Variants in AUTS2 observed in about 807,000 individuals in gnomAD.
The protein encoded by AUTS2 is autism susceptibility gene 2 protein.
A neutral mutation model predicts 112.4 loss-of-function variants in AUTS2; 17 were observed. The observed-to-expected ratio is 0.15, with a 90% CI of 0.10 to 0.23. AUTS2 has a LOEUF of 0.23. Ranked by LOEUF, AUTS2 falls within the 10% of genes least tolerant of loss-of-function variation. The pLI is 1.00. For synonymous variants in AUTS2, 751 were observed against 702.7 expected (o/e 1.07, Z -1.09); for missense variants, 1,510 against 1,701.6 (o/e 0.89, Z 1.98).
At chr7:69,996,564 C>T (rs1223893449) in intron 2 of AUTS2, among the ~76,000 whole-genome samples, 1 of 152,138 alleles carries the variant, frequency 6.6e-6, no homozygotes, top group Non-Finnish European at 1.5e-5. Flanking sequence ...CAAACACTGT[C>T]CTCCCCACTG....
chr7:70,590,460 T>C (rs1802891787), intron 5 of AUTS2, among the ~76,000 whole-genome samples: 1 of 152,162 alleles, frequency 6.6e-6, no homozygotes, highest in Admixed American at 6.5e-5. Context: ...TGTTCCTTTA[T>C]TTTAGAAACT....
intron 3 of AUTS2, 68 bp downstream of exon 3, chr7:70,118,301 T>C: frequency 7.0e-7 from 1 of 1,438,610 alleles, no homozygotes; most frequent in Non-Finnish European, 9.1e-7. Context: ...CACACACCAT[T>C]GGTTCAAGTC....
At chr7:69,939,966 G>C (rs1182886912) in intron 2 of AUTS2, among the ~76,000 whole-genome samples, 1 of 152,192 alleles carries the variant, frequency 6.6e-6, no homozygotes, top group Non-Finnish European at 1.5e-5. Flanking sequence ...AACAACAGTA[G>C]TAATCATACC....
intron 2 of AUTS2, among the ~76,000 whole-genome samples, chr7:69,915,658 T>C (rs1795547266): frequency 6.6e-6 from 1 of 152,250 alleles, no homozygotes; most frequent in African/African-American, 2.4e-5. Flanking sequence ...TTTTCTATCA[T>C]TTCTGTTTTC....
chr7:70,409,341 A>G (rs1478302202), intron 4 of AUTS2, among the ~76,000 whole-genome samples: 1 of 152,054 alleles, frequency 6.6e-6, no homozygotes, highest in African/African-American at 2.4e-5. Context: ...ATATATATAT[A>G]TATGTGTGTG....
intron 1 of AUTS2, among the ~76,000 whole-genome samples, chr7:69,838,637 G>A (rs1230042438): frequency 6.6e-6 from 1 of 152,088 alleles, no homozygotes; most frequent in African/African-American, 2.4e-5. Flanking sequence ...GTCTTTTGTT[G>A]GCTGAACTAT....
At chr7:69,938,665 T>G (rs942753007) in intron 2 of AUTS2, among the ~76,000 whole-genome samples, 9 of 152,074 alleles carry the variant, frequency 5.9e-5, no homozygotes, top group African/African-American at 2.2e-4. Flanking sequence ...CCTAGGGAAG[T>G]GCAATGAGCA....
At chr7:70,751,726 A>G (rs1788867115) in intron 6 of AUTS2, among the ~76,000 whole-genome samples, 1 of 152,036 alleles carries the variant, frequency 6.6e-6, no homozygotes, top group South Asian at 2.1e-4. Context: ...TATTGAGCAT[A>G]CACTAGTTTT....
At chr7:70,221,131 C>T (rs568396741) in intron 4 of AUTS2, among the ~76,000 whole-genome samples, 1 of 152,322 alleles carries the variant, frequency 6.6e-6, no homozygotes, top group East Asian at 1.9e-4. Flanking sequence ...TGGTCTCAAA[C>T]TCCTGGGCTC....
At chr7:70,693,163 A>C (rs560337958) in intron 5 of AUTS2, among the ~76,000 whole-genome samples, 1 of 152,152 alleles carries the variant, frequency 6.6e-6, no homozygotes, top group Non-Finnish European at 1.5e-5. Context: ...ATGTTTTCAG[A>C]GGGTTTCCTC....
intron 4 of AUTS2, among the ~76,000 whole-genome samples, chr7:70,152,867 G>A (rs1221296886): frequency 6.6e-6 from 1 of 152,106 alleles, no homozygotes; most frequent in Admixed American, 6.6e-5. Context: ...ACTACAGCAA[G>A]TGTTGGTGAG....
chr7:69,652,912 T>C (rs1795356727), intron 1 of AUTS2, among the ~76,000 whole-genome samples: 1 of 152,194 alleles, frequency 6.6e-6, no homozygotes, highest in South Asian at 2.1e-4. Context: ...TGGATTGGCC[T>C]TCAGAGATAC....
intron 4 of AUTS2, among the ~76,000 whole-genome samples, chr7:70,259,050 G>A (rs1787028910): frequency 6.6e-6 from 1 of 152,126 alleles, no homozygotes. Context: ...GACCTCTGAT[G>A]CCTTTCCTTT....
In AUTS2 at chr7:69,833,381, C is replaced by T. The variant is rs375082292; in HGVS notation, c.310-65905C>T. On this transcript the variant is annotated intron_variant, in intron 1 of 18. Transcript: ENST00000342771. ...GATCTCAACCTTTTAAAAGGCCAAT[C>T]GTATCTGAACTACATATTAATTATA... Among the ~76,000 whole-genome samples, 72 of 152,244 alleles carry T rather than the reference C, an allele frequency of 4.7e-4. 1 individual carries two copies. Among genetic ancestry groups the T allele is most frequent in the South Asian group, 8.3e-4 (4 of 4,822 alleles).
intron 1 of AUTS2, among the ~76,000 whole-genome samples, chr7:69,637,465 C>G (rs764958920): frequency 4.5e-4 from 68 of 152,292 alleles, no homozygotes; most frequent in Middle Eastern, 6.8e-3. Context: ...GCCTTATAAT[C>G]TTCTGTTCCC....
intron 4 of AUTS2, among the ~76,000 whole-genome samples, chr7:70,205,123 A>G (rs1810502377): frequency 6.6e-6 from 1 of 152,080 alleles, no homozygotes; most frequent in Non-Finnish European, 1.5e-5. Context: ...GCCCACTGCA[A>G]CCTCAAACCC....
intron 2 of AUTS2, among the ~76,000 whole-genome samples, chr7:69,942,959 T>A (rs1166372362): frequency 6.6e-6 from 1 of 152,244 alleles, no homozygotes; most frequent in Non-Finnish European, 1.5e-5. Context: ...GATTGAAAAA[T>A]CTTTAAATTC....
chr7:70,100,911 T>A (rs891747478), intron 2 of AUTS2, among the ~76,000 whole-genome samples: 17 of 152,058 alleles, frequency 1.1e-4, no homozygotes, highest in Admixed American at 6.6e-5. Context: ...AGAGTCTCCT[T>A]CTATCCCCCA....
intron 4 of AUTS2, among the ~76,000 whole-genome samples, chr7:70,321,974 A>G (rs780789364): frequency 2.0e-5 from 3 of 152,190 alleles, no homozygotes; most frequent in Non-Finnish European, 4.4e-5. Context: ...ATTATTTTGT[A>G]TTTAGCATTT....
Sources: gnomAD v4.1 joint callset for allele counts (sites outside exome capture counted in the v4.1 genomes callset) on GRCh38, gnomAD v4.1.1 for gene constraint, MANE v1.5 for transcripts, NCBI Gene and HGNC (gene_info 2026-07-23, HGNC 2026-07-21) for gene names.